The following STS variants were observed in gnomAD, a reference collection of about 807,000 sequenced individuals.
The protein encoded by STS is steroid sulfatase, also known as steryl-sulfatase.
In STS, 7 loss-of-function variants were observed where a neutral mutation model predicts 26.8. The observed-to-expected ratio is 0.26, with a 90% CI of 0.15 to 0.49. The LOEUF is 0.49. Among genes scored for constraint, STS ranks in the 20% least tolerant of loss-of-function variants. The probability of loss-of-function intolerance (pLI) is 0.98; values close to 1 mark genes in which losing one functional copy is unlikely to be tolerated. For synonymous variants in STS, 199 were observed against 189.4 expected (o/e 1.05, Z -0.42); for missense variants, 434 against 465.6 (o/e 0.93, Z 0.63).
intron 2 of STS, among the ~76,000 whole-genome samples, chrX:7,235,698 G>A (rs1372833052): frequency 9.0e-6 from 1 of 111,546 alleles, no homozygotes; most frequent in Non-Finnish European, 1.9e-5. Context: ...AGTCCAGAAG[G>A]TTGAGGCTGC....
intron 7 of STS, among the ~76,000 whole-genome samples, chrX:7,286,011 A>G (rs779142812): frequency 2.2e-4 from 25 of 112,131 alleles, no homozygotes; most frequent in Non-Finnish European, 3.0e-4. Flanking sequence ...CAAGGCATCT[A>G]TGACACAATG....
intron 1 of STS, among the ~76,000 whole-genome samples, chrX:7,148,797 G>C (rs1256392432): frequency 7.1e-4 from 80 of 112,509 alleles, no homozygotes; most frequent in Non-Finnish European, 1.1e-4. Flanking sequence ...TTGTCCCAGA[G>C]CAAAGCCAAG....
chrX:7,290,751 G>T (rs1273619200), intron 7 of STS, among the ~76,000 whole-genome samples: 1 of 112,022 alleles, frequency 8.9e-6, no homozygotes, highest in Non-Finnish European at 1.9e-5. Flanking sequence ...TTAAATGTGG[G>T]CAGGTGACCT....
chrX:7,245,680 G>C (rs937805212), intron 2 of STS, among the ~76,000 whole-genome samples: 2 of 112,292 alleles, frequency 1.8e-5, no homozygotes, highest in African/African-American at 6.5e-5. Flanking sequence ...AAGATTAAAC[G>C]CAAAATAACT....
intron 10 of STS, among the ~76,000 whole-genome samples, chrX:7,348,202 A>G: frequency 9.0e-6 from 1 of 111,682 alleles, no homozygotes; most frequent in Non-Finnish European, 1.9e-5. Flanking sequence ...CCACATACAC[A>G]AAGAGGCTGA....
intron 7 of STS, among the ~76,000 whole-genome samples, chrX:7,297,555 A>T (rs973833376): frequency 1.8e-5 from 2 of 112,025 alleles, no homozygotes; most frequent in African/African-American, 6.5e-5. Flanking sequence ...ACATGTTTTG[A>T]ATGAAATTTT....
At chrX:7,209,578 AT>A (rs1396861765) in intron 2 of STS, among the ~76,000 whole-genome samples, 117 of 106,822 alleles carry the variant, frequency 1.1e-3, no homozygotes, top group Middle Eastern at 4.8e-3. Flanking sequence ...ATTTAAAAAA[AT>A]ATTTATTTTC....
chrX:7,148,039 TG>T lies in STS; in HGVS notation c.-177del, dbSNP rs770675932. ...GACCGCCCTTACTGGAGGCGGCGGCTGCACACTACCCACCCAGAAGAAGTCC... is the reference window on the plus strand; with the variant it reads ...GACCGCCCTTACTGGAGGCGGCGGCTCACACTACCCACCCAGAAGAAGTCC... On this transcript the variant is annotated 5_prime_UTR_variant, in exon 1 of 11. It introduces an in-frame stop codon into an upstream open reading frame of the 5' UTR. Transcript: ENST00000674429. 490 of 1,130,334 alleles carry T rather than the reference TG, an allele frequency of 4.3e-4. 1 individual carries two copies. In the African/African-American group the frequency reaches 7.7e-3, roughly 18 times the overall value. The allele number at this position is 1,130,334 out of a possible 1,213,427, so 93.2% of individuals were successfully genotyped here.
intron 6 of STS, among the ~76,000 whole-genome samples, chrX:7,275,750 A>C (rs1488354999): frequency 9.0e-6 from 1 of 111,174 alleles, no homozygotes; most frequent in Non-Finnish European, 1.9e-5. Context: ...GAGGGTAACA[A>C]TAAGTCACTT....
intron 8 of STS, among the ~76,000 whole-genome samples, chrX:7,311,331 G>A (rs1307138680): frequency 9.0e-6 from 1 of 111,114 alleles, no homozygotes; most frequent in Non-Finnish European, 1.9e-5. Flanking sequence ...ATAACTGTTA[G>A]CACCACAAAC....
intron 10 of STS, among the ~76,000 whole-genome samples, chrX:7,344,982 TG>T (rs1601765511): frequency 1.8e-5 from 2 of 111,320 alleles, no homozygotes; most frequent in Non-Finnish European, 3.8e-5. Flanking sequence ...TGTTATGGAC[TG>T]TTGTGACTGC....
chrX:7,250,259 C>G (rs1923074496), intron 2 of STS, among the ~76,000 whole-genome samples: 1 of 109,519 alleles, frequency 9.1e-6, no homozygotes, highest in Non-Finnish European at 1.9e-5. Flanking sequence ...CTCCATCTGA[C>G]AATAAGAGAA....
At chrX:7,292,928 A>G (rs909888007) in intron 7 of STS, among the ~76,000 whole-genome samples, 2 of 111,452 alleles carry the variant, frequency 1.8e-5, no homozygotes, top group East Asian at 5.7e-4. Context: ...ACTTCAAACT[A>G]TATTACAAGG....
At chrX:7,203,647 C>T (rs1289281037) in intron 2 of STS, among the ~76,000 whole-genome samples, 1 of 111,594 alleles carries the variant, frequency 9.0e-6, no homozygotes, top group Admixed American at 9.5e-5. Context: ...TATAAAGAAT[C>T]ATATAAAACC....
chrX:7,238,033 G>A (rs1387361645), intron 2 of STS, among the ~76,000 whole-genome samples: 1 of 109,987 alleles, frequency 9.1e-6, no homozygotes, highest in Non-Finnish European at 1.9e-5. Flanking sequence ...GTCTTCTGCA[G>A]CAACATGGAT....
intron 5 of STS, among the ~76,000 whole-genome samples, chrX:7,258,439 C>T (rs1470204715): frequency 9.0e-6 from 1 of 111,493 alleles, no homozygotes; most frequent in African/African-American, 3.3e-5. Flanking sequence ...ATATACAAAA[C>T]TATTCACACC....
chrX:7,188,311 G>A (rs921661432), intron 1 of STS, among the ~76,000 whole-genome samples: 88 of 111,375 alleles, frequency 7.9e-4, no homozygotes, highest in African/African-American at 2.7e-3. Context: ...ACCATGCTTT[G>A]TTGATTGAGG....
At chrX:7,162,985 A>G (rs1264981065) in intron 1 of STS, among the ~76,000 whole-genome samples, 1 of 97,324 alleles carries the variant, frequency 1.0e-5, no homozygotes, top group East Asian at 3.3e-4. Context: ...TGAACCCGGG[A>G]TGCAGACGTT....
rs781181925 is a variant in STS, at chrX:7,350,881, A to G, written c.*620A>G. ...ATATCAAATGCTTGCTCTTCATCAT[A>G]TATATAGTTATGCATACATACACAC... On this transcript the variant is annotated 3_prime_UTR_variant, in exon 11 of 11. Coordinates refer to ENST00000674429, the MANE Select transcript of STS (RefSeq NM_001320752.2). 1 of 113,695 alleles carries G rather than the reference A, an allele frequency of 8.8e-6. No individual in the cohort carries two copies. Among genetic ancestry groups the G allele is most frequent in the East Asian group, 2.8e-4 (1 of 3,589 alleles). 9.4% of individuals were successfully genotyped at this position (113,695 alleles called of 1,213,427 possible). A position where few individuals can be genotyped will look rare whatever the true frequency, so the allele number is the denominator to read the frequency against.
Sources: gnomAD v4.1 joint callset for allele counts (sites outside exome capture counted in the v4.1 genomes callset) on GRCh38, gnomAD v4.1.1 for gene constraint, MANE v1.5 for transcripts, NCBI Gene and HGNC (gene_info 2026-07-23, HGNC 2026-07-21) for gene names.